MACC1: variants seen among roughly 807,000 people sequenced by gnomAD.
MACC1 encodes the protein metastasis-associated in colon cancer protein 1.
MACC1 carries 79 observed loss-of-function variants against 70.7 expected under a neutral mutation model. That is an observed-to-expected ratio of 1.12 (90% confidence interval 0.93 to 1.35). MACC1 has a LOEUF of 1.35. MACC1 is among the 40% of genes most tolerant of loss of function. The pLI is 0.00. For synonymous variants in MACC1, 361 were observed against 347.2 expected (o/e 1.04, Z -0.44); for missense variants, 1,106 against 978.1 (o/e 1.13, Z -1.74).
chr7:20,173,184 C>T (rs910805785), intron 1 of MACC1, among the ~76,000 whole-genome samples: 1 of 152,150 alleles, frequency 6.6e-6, no homozygotes, highest in Non-Finnish European at 1.5e-5. Flanking sequence ...AATTGAGAGC[C>T]ACCAAATCAT....
intron 1 of MACC1, among the ~76,000 whole-genome samples, chr7:20,191,046 A>C (rs1562597930): frequency 6.6e-6 from 1 of 152,164 alleles, no homozygotes; most frequent in Non-Finnish European, 1.5e-5. Context: ...ATTTTTTCTT[A>C]GTGGACATTT....
At chr7:20,151,184 A>G (rs1190235695) in intron 6 of MACC1, among the ~76,000 whole-genome samples, 1 of 152,182 alleles carries the variant, frequency 6.6e-6, no homozygotes, top group Admixed American at 6.5e-5. Flanking sequence ...CCATAGAAAA[A>G]GTATTGTCAT....
chr7:20,208,572 AG>A (rs1782948997), intron 1 of MACC1, among the ~76,000 whole-genome samples: 1 of 152,240 alleles, frequency 6.6e-6, no homozygotes, highest in Middle Eastern at 3.2e-3. Flanking sequence ...GGTATCTAGC[AG>A]AAAAAATTTC....
chr7:20,158,279 A>G lies in MACC1; in HGVS notation c.2082T>C (p.Ser694=), dbSNP rs766110513. 2 of 1,612,372 alleles carry G rather than the reference A, an allele frequency of 1.2e-6. No homozygotes were observed. Among genetic ancestry groups the G allele is most frequent in the Non-Finnish European group, 1.7e-6 (2 of 1,179,640 alleles). ...IQADKESEKV[S]YVIKKLKEDC... ...CTTCCTTTAACTTCTTTATAACATA[A>G]GAAACTTTCTCTGATTCTTTGTCTG... The change falls in exon 5 of 7, where the codon TCT becomes TCC. Residue 694 remains serine, a synonymous_variant. Coordinates refer to ENST00000400331, the MANE Select transcript of MACC1 (RefSeq NM_182762.4).
intron 6 of MACC1, among the ~76,000 whole-genome samples, chr7:20,145,574 T>C (rs1307147149): frequency 6.6e-6 from 1 of 152,198 alleles, no homozygotes; most frequent in Admixed American, 6.5e-5. Flanking sequence ...TATTCTATGA[T>C]GGCAAGGGGA....
At chr7:20,173,044 C>A (rs1782335607) in intron 1 of MACC1, among the ~76,000 whole-genome samples, 1 of 152,174 alleles carries the variant, frequency 6.6e-6, no homozygotes, top group African/African-American at 2.4e-5. Flanking sequence ...AATTGGGGTT[C>A]TCAACCATTC....
rs765802514 is a variant in MACC1 at position 20,158,622 on chromosome 7, A to G, written c.1739T>C (p.Leu580Pro). 1.2e-6 allele frequency: 2 copies of G among 1,613,954 alleles called. No homozygotes were observed. The highest frequency in any genetic ancestry group is 1.7e-6 in the Non-Finnish European group (2 of 1,179,992). The change falls in exon 5 of 7, where the codon CTC (leucine) becomes CCC (proline). Residue 580 changes from leucine to proline, a missense_variant. Coordinates refer to ENST00000400331, the MANE Select transcript of MACC1 (RefSeq NM_182762.4). ...LEYFKGDTIA[L>P]LGEGKVKAIG... Reference sequence around the variant, plus strand: ...AGCTTTTACCTTACCTTCCCCGAGGAGAGCTATTGTGTCCCCTTTGAAATA... The same window carrying G: ...AGCTTTTACCTTACCTTCCCCGAGGGGAGCTATTGTGTCCCCTTTGAAATA...
chr7:20,144,977 T>A (rs1781866985), intron 6 of MACC1, among the ~76,000 whole-genome samples: 1 of 152,014 alleles, frequency 6.6e-6, no homozygotes, highest in Non-Finnish European at 1.5e-5. Context: ...TATAATAACA[T>A]CCCAAAAAGG....
At chr7:20,187,930 G>C (rs908225348) in intron 1 of MACC1, among the ~76,000 whole-genome samples, 4 of 152,264 alleles carry the variant, frequency 2.6e-5, no homozygotes, top group African/African-American at 9.6e-5. Context: ...CTGAGACTGG[G>C]TAATTTATAA....
At chr7:20,154,087 T>C (rs532967970) in intron 6 of MACC1, 106 bp downstream of exon 6, 5 of 1,167,644 alleles carry the variant, frequency 4.3e-6, no homozygotes, top group East Asian at 2.4e-5. Flanking sequence ...GTGGATCATC[T>C]TGGACATTCC....
chr7:20,212,214 T>C (rs573306736), intron 1 of MACC1, among the ~76,000 whole-genome samples: 1 of 152,332 alleles, frequency 6.6e-6, no homozygotes, highest in South Asian at 2.1e-4. Flanking sequence ...CTTTGCAATA[T>C]CTATCTTTAA....
Position 20,158,918 on chromosome 7 carries a change from G to A in MACC1, c.1443C>T (p.His481=). The stretch of plus-strand genomic sequence containing the variant: ...CCACTTGAACACAAAAATCAAACAA[G>A]TGCATCTCTCTGTGCTCAACTAAAG... ...LFSLVEHREM[H]LFDFCVQVEP... is the part of the protein sequence containing the mutation. Residue 481 remains histidine (H), a synonymous_variant, in exon 5 of 7, where the codon CAC becomes CAT. Coordinates refer to ENST00000400331, the MANE Select transcript of MACC1 (RefSeq NM_182762.4). 2.5e-6 allele frequency: 4 copies of A among 1,613,956 alleles called. No individual in the cohort carries two copies. Among genetic ancestry groups the A allele is most frequent in the Non-Finnish European group, 3.4e-6 (4 of 1,179,966 alleles).
intron 1 of MACC1, among the ~76,000 whole-genome samples, chr7:20,209,227 C>T (rs1782959224): frequency 6.6e-6 from 1 of 152,224 alleles, no homozygotes; most frequent in East Asian, 1.9e-4. Flanking sequence ...GGGCTACTGT[C>T]CTCCAGGACC....
chr7:20,171,666 C>T (rs1050058189), intron 1 of MACC1, among the ~76,000 whole-genome samples: 2 of 151,392 alleles, frequency 1.3e-5, no homozygotes, highest in African/African-American at 4.9e-5. Context: ...GCTGCAACCT[C>T]CACCTCCCAG....
intron 1 of MACC1, among the ~76,000 whole-genome samples, chr7:20,207,513 A>G (rs553923999): frequency 3.3e-5 from 5 of 152,280 alleles, no homozygotes; most frequent in Admixed American, 2.6e-4. Flanking sequence ...ACGCTTTTAT[A>G]TGTTAGGACC....
intron 1 of MACC1, among the ~76,000 whole-genome samples, chr7:20,195,799 GA>G (rs1782743081): frequency 6.6e-6 from 1 of 152,112 alleles, no homozygotes; most frequent in South Asian, 2.1e-4. Context: ...TTAGCTGCTA[GA>G]AAAAAAGAAA....
At chr7:20,141,215 G>T in intron 6 of MACC1, 57 bp from the exon 7 acceptor site, 3 of 1,223,806 alleles carry the variant, frequency 2.5e-6, no homozygotes, top group South Asian at 1.7e-5. Flanking sequence ...GAGGAAAATC[G>T]TTTTTAAAAA....
chr7:20,178,587 G>A (rs1782449349), intron 1 of MACC1, among the ~76,000 whole-genome samples: 1 of 152,080 alleles, frequency 6.6e-6, no homozygotes, highest in African/African-American at 2.4e-5. Flanking sequence ...GTACACCTAT[G>A]CAGATTAACC....
chr7:20,170,233 A>C (rs1782283881), intron 2 of MACC1: 1 of 152,250 alleles, frequency 6.6e-6, no homozygotes, highest in South Asian at 2.1e-4. Context: ...AGGGTAAAAT[A>C]TTGTCTTCAA....
Sources: allele counts gnomAD v4.1 joint callset (sites outside exome capture counted in the v4.1 genomes callset), GRCh38; gene constraint gnomAD v4.1.1; transcripts MANE v1.5; gene names NCBI Gene and HGNC (gene_info 2026-07-23, HGNC 2026-07-21).